The following LRP1B variants were observed in gnomAD, a reference collection of about 807,000 sequenced individuals.
LRP1B encodes the protein LDL receptor related protein 1B, also known as low-density lipoprotein receptor-related protein 1B.
Under a neutral mutation model 556.6 loss-of-function variants are expected in LRP1B, and 217 were observed. The observed-to-expected ratio is 0.39, with a 90% confidence interval of 0.35 to 0.44. The LOEUF (loss-of-function observed/expected upper bound fraction) is 0.44, where lower values mean the gene tolerates loss of function less well. LRP1B is among the 20% of genes least tolerant of loss of function. The pLI, the probability that LRP1B is intolerant of heterozygous loss-of-function variation, is 1.00. For synonymous variants in LRP1B, 2,047 were observed against 1,865.8 expected (o/e 1.10, Z -2.50); for missense variants, 5,053 against 5,620.8 (o/e 0.90, Z 3.23).
chr2:141,049,075 G>A lies in LRP1B; in HGVS notation c.1700C>T (p.Thr567Ile). The A allele has an allele frequency of 2.5e-6, 4 of 1,613,568 alleles. No homozygotes were observed. In the South Asian group the frequency reaches 3.3e-5, roughly 13 times the overall value. ...NPRALDFHAETNYIYFADTTS... is the reference protein window; with the variant it reads ...NPRALDFHAEINYIYFADTTS... ...GGTGTCAGCAAAGTAGATGTAATTG[G>A]TTTCTGCGTGAAAGTCTAAAGCACG... The change falls in exon 11 of 91, where the codon ACC (threonine) becomes ATC (isoleucine). Residue 567 changes from threonine (T) to isoleucine (I), a missense_variant. By Grantham distance (89) the Thr-to-Ile change is moderately conservative (BLOSUM62 -1). Around this residue, in one of 5 missense-constraint regions of LRP1B, gnomAD observed 3,619 missense variants for 3,931.9 expected, o/e 0.92. Coordinates refer to ENST00000389484, the MANE Select transcript of LRP1B (RefSeq NM_018557.3).
chr2:141,519,286 C>T (rs1684439356), intron 2 of LRP1B, among the ~76,000 whole-genome samples: 1 of 148,492 alleles, frequency 6.7e-6, no homozygotes, highest in Admixed American at 6.8e-5. Flanking sequence ...TTCACAGCTC[C>T]TCAATGTTAA....
chr2:140,806,682 T>G (rs1411887426), intron 32 of LRP1B, among the ~76,000 whole-genome samples: 7 of 152,218 alleles, frequency 4.6e-5, no homozygotes, highest in Non-Finnish European at 8.8e-5. Context: ...GATTCTCTAT[T>G]TAGACATACT....
At chr2:140,429,678 G>C (rs1685832035) in intron 66 of LRP1B, among the ~76,000 whole-genome samples, 1 of 152,086 alleles carries the variant, frequency 6.6e-6, no homozygotes, top group South Asian at 2.1e-4. Flanking sequence ...CCTAGGCATG[G>C]TTAGTGCAGT....
intron 9 of LRP1B, among the ~76,000 whole-genome samples, chr2:141,057,516 G>C (rs867604790): frequency 2.6e-5 from 4 of 151,766 alleles, no homozygotes; most frequent in Admixed American, 6.6e-5. Context: ...TGTTGGGGGG[G>C]ACCCAGTAGG....
intron 3 of LRP1B, among the ~76,000 whole-genome samples, chr2:141,310,859 C>G (rs188549065): frequency 6.6e-6 from 1 of 152,154 alleles, no homozygotes; most frequent in African/African-American, 2.4e-5. Flanking sequence ...AATCTTATTA[C>G]TACTTCCAGC....
intron 35 of LRP1B, among the ~76,000 whole-genome samples, chr2:140,768,224 A>G (rs1161084487): frequency 6.6e-6 from 1 of 151,948 alleles, no homozygotes; most frequent in African/African-American, 2.4e-5. Context: ...GTAATTCATT[A>G]ACTTGTAGTC....
chr2:140,801,075 T>C (rs1000839366), intron 32 of LRP1B, among the ~76,000 whole-genome samples: 6 of 152,310 alleles, frequency 3.9e-5, no homozygotes, highest in African/African-American at 1.4e-4. Context: ...CATTATTCTA[T>C]TTATTCATAT....
chr2:140,673,686 G>A (rs72979879), intron 41 of LRP1B, among the ~76,000 whole-genome samples: 2,795 of 152,190 alleles, frequency 0.018, 85 homozygotes, highest in African/African-American at 0.062. Flanking sequence ...ATTCTAAGCC[G>A]TGAACCAAAT....
chr2:140,753,757 G>A (rs1034721186), intron 35 of LRP1B, among the ~76,000 whole-genome samples: 1 of 152,068 alleles, frequency 6.6e-6, no homozygotes, highest in Non-Finnish European at 1.5e-5. Flanking sequence ...CAAGAAACTG[G>A]GGTCCCCTTT....
Position 140,444,352 on chromosome 2 carries a change from A to G in LRP1B, c.10272T>C (p.Asp3424=). The G allele has an allele frequency of 1.9e-6, 3 of 1,613,790 alleles. No individual in the cohort carries two copies. Among genetic ancestry groups the G allele is most frequent in the Non-Finnish European group, 2.5e-6 (3 of 1,179,764 alleles). The change falls in exon 65 of 91, where the codon GAT becomes GAC. Residue 3424 remains aspartate (D), a synonymous_variant. Transcript: ENST00000389484. ...LRCNGQDDCG[D]EEDERDCPEN... ...TACGACAGTCTCTTTCATCTTCCTC[A>G]TCACCACAGTCATCTTGCCCATTAC...
At chr2:140,777,781 AATT>A (rs1018387650) in intron 32 of LRP1B, among the ~76,000 whole-genome samples, 1 of 152,170 alleles carries the variant, frequency 6.6e-6, no homozygotes, top group African/African-American at 2.4e-5. Context: ...AAAAATGAAC[AATT>A]ACAAAAGAAG....
chr2:140,244,725 A>AG (rs1681082155), intron 87 of LRP1B, among the ~76,000 whole-genome samples: 1 of 151,330 alleles, frequency 6.6e-6, no homozygotes. Context: ...TGTACAAATC[A>AG]GAAAAGTAAA....
At chr2:140,624,360 C>T (rs1204105886) in intron 41 of LRP1B, among the ~76,000 whole-genome samples, 1 of 152,128 alleles carries the variant, frequency 6.6e-6, no homozygotes, top group Non-Finnish European at 1.5e-5. Context: ...ACGTTGGCAT[C>T]GAACTGTAGC....
chr2:140,290,856 ATATAT>A (rs1014547897), intron 84 of LRP1B, among the ~76,000 whole-genome samples: 2 of 152,004 alleles, frequency 1.3e-5, no homozygotes, highest in African/African-American at 4.8e-5. Flanking sequence ...TGGCAGAAAA[ATATAT>A]TAGACCAGGA....
chr2:140,614,708 T>C (rs894167648), intron 41 of LRP1B, among the ~76,000 whole-genome samples: 3 of 152,082 alleles, frequency 2.0e-5, no homozygotes, highest in African/African-American at 7.2e-5. Flanking sequence ...TTGAGTGGTG[T>C]TTAATGAAAC....
At chr2:141,758,320 A>G (rs1273791970) in intron 2 of LRP1B, among the ~76,000 whole-genome samples, 3 of 152,338 alleles carry the variant, frequency 2.0e-5, no homozygotes, top group South Asian at 2.1e-4. Context: ...AGTAATTCTT[A>G]TCATTTCAGT....
chr2:140,315,164 AAT>A, intron 82 of LRP1B, 65 bp from the exon 83 acceptor site: 1 of 1,070,378 alleles, frequency 9.3e-7, no homozygotes. Context: ...AAATAATTCA[AAT>A]AGATACAATA....
intron 7 of LRP1B, among the ~76,000 whole-genome samples, chr2:141,185,568 G>T (rs1361646841): frequency 6.6e-6 from 1 of 150,818 alleles, no homozygotes; most frequent in South Asian, 2.1e-4. Context: ...TAAAAACAAG[G>T]TTGATTTAAA....
chr2:141,619,426 A>AG (rs1368275986), intron 2 of LRP1B, among the ~76,000 whole-genome samples: 1 of 152,226 alleles, frequency 6.6e-6, no homozygotes, highest in African/African-American at 2.4e-5. Flanking sequence ...AATGCATATG[A>AG]GCGGAACTGA....
Sources: allele counts gnomAD v4.1 joint callset (sites outside exome capture counted in the v4.1 genomes callset), GRCh38; gene constraint gnomAD v4.1.1; regional missense constraint gnomAD v4.1.1; transcripts MANE v1.5; gene names NCBI Gene and HGNC (gene_info 2026-07-23, HGNC 2026-07-21).